CCDC138: variants seen among roughly 807,000 people sequenced by gnomAD.
CCDC138 encodes the protein coiled-coil domain containing 138, also known as coiled-coil domain-containing protein 138.
A neutral mutation model predicts 82.3 loss-of-function variants in CCDC138; 66 were observed. The observed-to-expected ratio is 0.80, with a 90% CI of 0.66 to 0.98. The LOEUF (loss-of-function observed/expected upper bound fraction) is 0.98, where lower values mean the gene tolerates loss of function less well. Ranked by LOEUF, CCDC138 falls within the 50% of genes least tolerant of loss-of-function variation. CCDC138 has a pLI of 0.00. For missense variants in CCDC138, 816 were observed against 758.9 expected, an observed-to-expected ratio of 1.08 and a Z score of -0.88; for synonymous variants, 297 against 265.4, an observed-to-expected ratio of 1.12 and a Z score of -1.16.
intron 10 of CCDC138, among the ~76,000 whole-genome samples, chr2:108,834,398 C>G (rs1688247787): frequency 6.6e-6 from 1 of 151,760 alleles, no homozygotes; most frequent in Non-Finnish European, 1.5e-5. Flanking sequence ...TTAATAGAGA[C>G]AGATGGGGGT....
At chr2:108,884,705 G>A (rs1472334933) in intron 2 of CCDC138, 2 of 152,136 alleles carry the variant, frequency 1.3e-5, no homozygotes, top group Admixed American at 1.3e-4. Context: ...TTTCGAGATT[G>A]TGTCCTCCCG....
intron 13 of CCDC138, among the ~76,000 whole-genome samples, chr2:108,858,655 G>A (rs1296242796): frequency 6.6e-6 from 1 of 151,804 alleles, no homozygotes; most frequent in Non-Finnish European, 1.5e-5. Context: ...TTTGAGATTG[G>A]AAACCCATTT....
intron 13 of CCDC138, among the ~76,000 whole-genome samples, chr2:108,864,952 C>T (rs571521801): frequency 1.3e-5 from 2 of 152,136 alleles, no homozygotes; most frequent in African/African-American, 4.8e-5. Context: ...GAGTGAGGCC[C>T]TGTTTTAAGA....
In CCDC138 at chr2:108,797,825, G is replaced by A. The variant is rs111706159; in HGVS notation, c.577-603G>A. On this transcript the variant is annotated intron_variant, in intron 5 of 14. Coordinates refer to ENST00000295124, the MANE Select transcript of CCDC138 (RefSeq NM_144978.3). ...ATTCCAAATTAGTAGAATGGAGAAG[G>A]CTCAAAATAGACACTTTGGAGAATG... Among the ~76,000 whole-genome samples, 622 of 152,262 alleles carry A rather than the reference G, an allele frequency of 4.1e-3. 7 individuals carry two copies. Among genetic ancestry groups the A allele is most frequent in the African/African-American group, 0.014 (602 of 41,558 alleles).
At chr2:108,798,893 G>T (rs772701432) in intron 6 of CCDC138, among the ~76,000 whole-genome samples, 2 of 150,112 alleles carry the variant, frequency 1.3e-5, no homozygotes, top group Non-Finnish European at 3.0e-5. Flanking sequence ...TAAAAATCAT[G>T]ATTCTGTCCC....
At chr2:108,831,551 G>A (rs1349449436) in intron 10 of CCDC138, among the ~76,000 whole-genome samples, 1 of 152,178 alleles carries the variant, frequency 6.6e-6, no homozygotes, top group African/African-American at 2.4e-5. Context: ...GACAGTGTTT[G>A]CTGTGAAGAA....
At chr2:108,842,688 T>C (rs1285147781) in intron 11 of CCDC138, among the ~76,000 whole-genome samples, 1 of 152,162 alleles carries the variant, frequency 6.6e-6, no homozygotes, top group Non-Finnish European at 1.5e-5. Flanking sequence ...AAGGCAGATA[T>C]CTGAATCAAA....
Position 108,798,552 on chromosome 2 carries a change from A to G in CCDC138, c.701A>G (p.Glu234Gly), listed in dbSNP as rs772936570. The part of the protein sequence containing the change: ...NALSKIKGVE[E>G]EVLTRFQIIK... ...TTGAGTAAAATTAAAGGTGTTGAAG[A>G]AGAGGTTCTTACAAGATTTCAAATT... Residue 234 changes from glutamate to glycine, a missense_variant, in exon 6 of 15, where the codon GAA becomes GGA. Physicochemically the swap from Glu to Gly is moderately conservative, Grantham distance 98. Transcript: ENST00000295124. The G allele has an allele frequency of 8.1e-6, 13 of 1,613,140 alleles. No individual in the cohort carries two copies. The highest frequency in any genetic ancestry group is 1.1e-5 in the Non-Finnish European group (13 of 1,179,602).
intron 12 of CCDC138, 108 bp from the exon 13 acceptor site, chr2:108,856,686 T>A: frequency 9.9e-7 from 1 of 1,014,642 alleles, no homozygotes; most frequent in East Asian, 2.5e-5. Flanking sequence ...TTAATTTTTG[T>A]TTGTCTTTTG....
At chr2:108,817,998 A>C (rs1394818690) in intron 10 of CCDC138, among the ~76,000 whole-genome samples, 1 of 152,152 alleles carries the variant, frequency 6.6e-6, no homozygotes, top group African/African-American at 2.4e-5. Context: ...TCTGCAGAGA[A>C]ATTTTATTTG....
chr2:108,873,273 G>A (rs1276233213), intron 13 of CCDC138, 178 bp from the exon 14 acceptor site: 4 of 210,080 alleles, frequency 1.9e-5, no homozygotes, highest in Admixed American at 8.2e-5. Flanking sequence ...TTGAATAAGA[G>A]CCAGTGGATG....
At chr2:108,805,964 T>C (rs1422972107) in intron 7 of CCDC138, among the ~76,000 whole-genome samples, 1 of 152,070 alleles carries the variant, frequency 6.6e-6, no homozygotes, top group African/African-American at 2.4e-5. Flanking sequence ...AATGAAAGCA[T>C]TGGGCTGGGA....
At chr2:108,825,244 T>A (rs762215012) in intron 10 of CCDC138, among the ~76,000 whole-genome samples, 19 of 149,316 alleles carry the variant, frequency 1.3e-4, no homozygotes, top group Admixed American at 4.1e-4. Context: ...CAGGCCTGAT[T>A]ATATCTTGTT....
chr2:108,833,388 G>A (rs987254471), intron 10 of CCDC138, among the ~76,000 whole-genome samples: 1 of 152,210 alleles, frequency 6.6e-6, no homozygotes, highest in East Asian at 1.9e-4. Context: ...AGTACACTCA[G>A]AAACCTAAAA....
chr2:108,884,408 T>C (rs762275921), intron 2 of CCDC138: 7 of 152,230 alleles, frequency 4.6e-5, no homozygotes, highest in Non-Finnish European at 7.3e-5. Context: ...CTGCATAGCC[T>C]GACTGGAAGT....
At position 108,876,167 on chromosome 2, in the gene CCDC138, G is replaced by T; in HGVS notation, c.1912G>T (p.Ala638Ser). 6.2e-7 allele frequency: 1 copy of T among 1,612,138 alleles called. No homozygotes were observed. Residue 638 changes from alanine (A) to serine (S), a missense_variant, in exon 15 of 15, where the codon GCA becomes TCA. Ala to Ser is a moderately conservative substitution (Grantham distance 99). Transcript: ENST00000295124. Reference sequence around the variant, plus strand: ...ACAAAGGACAACAAACCCAGAGCATGCATTTCTCTGTATTAATCTAAATTC... The same window carrying T: ...ACAAAGGACAACAAACCCAGAGCATTCATTTCTCTGTATTAATCTAAATTC... ...EIQRTTNPEH[A>S]FLCINLNSTL...
intron 13 of CCDC138, among the ~76,000 whole-genome samples, chr2:108,865,216 AATTC>A (rs1330569847): frequency 3.9e-5 from 6 of 152,150 alleles, no homozygotes; most frequent in African/African-American, 1.4e-4. Flanking sequence ...CTTCAATTAA[AATTC>A]ATTCATTTAA....
intron 10 of CCDC138, among the ~76,000 whole-genome samples, chr2:108,829,521 G>A (rs949040555): frequency 1.3e-5 from 2 of 152,166 alleles, no homozygotes; most frequent in South Asian, 4.1e-4. Context: ...CAAGGCAGGC[G>A]GGTCACTTGA....
At chr2:108,792,100 A>G (rs1226660314) in intron 4 of CCDC138, among the ~76,000 whole-genome samples, 1 of 152,198 alleles carries the variant, frequency 6.6e-6, no homozygotes, top group Non-Finnish European at 1.5e-5. Context: ...AATACTCCAG[A>G]TTATTTGAAG....
Sources: gnomAD v4.1 joint callset for allele counts (sites outside exome capture counted in the v4.1 genomes callset) on GRCh38, gnomAD v4.1.1 for gene constraint, MANE v1.5 for transcripts, NCBI Gene and HGNC (gene_info 2026-07-23, HGNC 2026-07-21) for gene names.